CERS6: variants seen among roughly 807,000 people sequenced by gnomAD.
CERS6 encodes LAG1 homolog, ceramide synthase 6.
CERS6 carries 26 observed loss-of-function variants against 56.8 expected under a neutral mutation model. The ratio of observed to expected loss-of-function variants is 0.46; its 90% CI spans 0.34 to 0.63. The LOEUF is 0.63. Ranked by LOEUF, CERS6 falls within the 30% of genes least tolerant of loss-of-function variation. The pLI is 0.01. For missense variants in CERS6, 415 were observed against 467.5 expected, an observed-to-expected ratio of 0.89 and a Z score of 1.04; for synonymous variants, 164 against 173.3, an observed-to-expected ratio of 0.95 and a Z score of 0.42.
At chr2:168,720,044 T>C (rs13025830) in intron 8 of CERS6, among the ~76,000 whole-genome samples, 54,168 of 151,100 alleles carry the variant, frequency 0.36, 12,290 homozygotes, top group Non-Finnish European at 0.5. Flanking sequence ...CAAGTGATTC[T>C]TCGGCCTCAA....
rs114112963 is a variant in CERS6, at chr2:168,727,136, C to G, written c.845+9158C>G. On this transcript the variant is annotated intron_variant, in intron 8 of 9. Coordinates refer to ENST00000305747, the MANE Select transcript of CERS6 (RefSeq NM_203463.3). ...GAGTCAAATACGTACCTTTACTGGTCAGCTACTGTTCAGACAGAAGCATCT... is the reference window on the plus strand; with the variant it reads ...GAGTCAAATACGTACCTTTACTGGTGAGCTACTGTTCAGACAGAAGCATCT... Among the ~76,000 whole-genome samples the G allele has an allele frequency of 7.1e-3, 1,080 of 152,246 alleles. 11 individuals are homozygous for G. The highest frequency in any genetic ancestry group is 0.024 in the African/African-American group (1,012 of 41,544).
At chr2:168,725,101 G>A (rs924123277) in intron 8 of CERS6, among the ~76,000 whole-genome samples, 1 of 152,246 alleles carries the variant, frequency 6.6e-6, no homozygotes, top group Non-Finnish European at 1.5e-5. Context: ...GGCTGGCACT[G>A]CTGGGAGACC....
At chr2:168,685,668 C>G (rs1001535511) in intron 4 of CERS6, among the ~76,000 whole-genome samples, 3 of 152,114 alleles carry the variant, frequency 2.0e-5, no homozygotes, top group Admixed American at 6.6e-5. Flanking sequence ...GCACTCGATT[C>G]TTACGTGTGT....
chr2:168,575,432 C>T (rs905128994), intron 3 of CERS6, among the ~76,000 whole-genome samples: 2 of 151,776 alleles, frequency 1.3e-5, no homozygotes, highest in African/African-American at 4.8e-5. Flanking sequence ...GAGGAAGTGC[C>T]ACTTCCTCAC....
intron 3 of CERS6, among the ~76,000 whole-genome samples, chr2:168,593,519 T>G (rs1484892073): frequency 6.9e-6 from 1 of 144,056 alleles, no homozygotes; most frequent in Admixed American, 6.7e-5. Flanking sequence ...AACTTTTGAG[T>G]TTCTGTGTGT....
rs149300130 is a variant in CERS6, at chr2:168,697,986, G to A, written c.609+2935G>A. ...TTTATTGCTGTATTAGTTTGTTTTCGCACTGCTGTAAAGAAGTACCTGTGG... is the reference window on the plus strand; with the variant it reads ...TTTATTGCTGTATTAGTTTGTTTTCACACTGCTGTAAAGAAGTACCTGTGG... On this transcript the variant is annotated intron_variant, in intron 6 of 9. Coordinates refer to ENST00000305747, the MANE Select transcript of CERS6 (RefSeq NM_203463.3). 6.8e-3 allele frequency among the ~76,000 whole-genome samples: 1,041 copies of A among 152,134 alleles called. 11 individuals carry two copies. Among genetic ancestry groups the A allele is most frequent in the African/African-American group, 0.023 (946 of 41,474 alleles).
chr2:168,695,574 C>G (rs1338005592), intron 6 of CERS6, among the ~76,000 whole-genome samples: 2 of 152,182 alleles, frequency 1.3e-5, no homozygotes, highest in Admixed American at 1.3e-4. Flanking sequence ...CTTATTCTGG[C>G]TTTCGTCCTA....
At chr2:168,759,320 T>C (rs1009591017) in intron 8 of CERS6, among the ~76,000 whole-genome samples, 2 of 152,170 alleles carry the variant, frequency 1.3e-5, no homozygotes, top group African/African-American at 2.4e-5. Flanking sequence ...GTAGATCAAG[T>C]GTTTTCTGTA....
intron 3 of CERS6, among the ~76,000 whole-genome samples, chr2:168,607,106 T>C (rs962892830): frequency 1.3e-5 from 2 of 152,108 alleles, no homozygotes; most frequent in Non-Finnish European, 1.5e-5. Context: ...AATGGGTTTT[T>C]ACATTTTTAA....
At chr2:168,737,024 C>T (rs1356136349) in intron 8 of CERS6, among the ~76,000 whole-genome samples, 1 of 152,182 alleles carries the variant, frequency 6.6e-6, no homozygotes, top group Non-Finnish European at 1.5e-5. Context: ...GTGGCTGTAC[C>T]ATCTCTTTCT....
chr2:168,634,869 A>G (rs12052382), intron 4 of CERS6, among the ~76,000 whole-genome samples: 2,626 of 152,288 alleles, frequency 0.017, 104 homozygotes, highest in East Asian at 0.16. Context: ...CTGTAATATA[A>G]AGAATCATTA....
intron 4 of CERS6, among the ~76,000 whole-genome samples, chr2:168,675,084 C>G (rs1437676237): frequency 6.6e-6 from 1 of 151,986 alleles, no homozygotes; most frequent in African/African-American, 2.4e-5. Flanking sequence ...AGCAATCCCT[C>G]TGCCTCAGCC....
intron 1 of CERS6, among the ~76,000 whole-genome samples, chr2:168,474,706 T>C (rs1694037449): frequency 6.6e-6 from 1 of 152,238 alleles, no homozygotes; most frequent in Non-Finnish European, 1.5e-5. Context: ...TTCAAGTTTA[T>C]ACTTTGAACT....
chr2:168,766,916 G>C (rs1684745834), intron 9 of CERS6, among the ~76,000 whole-genome samples: 1 of 152,148 alleles, frequency 6.6e-6, no homozygotes, highest in African/African-American at 2.4e-5. Flanking sequence ...TAATTATTTT[G>C]ATCAATTAAT....
intron 8 of CERS6, among the ~76,000 whole-genome samples, chr2:168,749,432 C>T (rs1684196947): frequency 6.6e-6 from 1 of 152,180 alleles, no homozygotes; most frequent in South Asian, 2.1e-4. Flanking sequence ...TTTTCCCTGG[C>T]CTCCTGTCTT....
At chr2:168,640,018 T>A (rs1430697551) in intron 4 of CERS6, among the ~76,000 whole-genome samples, 4 of 152,136 alleles carry the variant, frequency 2.6e-5, no homozygotes, top group Admixed American at 2.6e-4. Flanking sequence ...GGTGACCATT[T>A]TGTGCCCAAG....
chr2:168,655,422 T>C (rs561070913), intron 4 of CERS6, among the ~76,000 whole-genome samples: 3 of 152,360 alleles, frequency 2.0e-5, no homozygotes, highest in African/African-American at 7.2e-5. Flanking sequence ...TAAAGATACC[T>C]GCACTCCCAT....
At chr2:168,483,199 G>C (rs976606043) in intron 1 of CERS6, among the ~76,000 whole-genome samples, 2 of 152,170 alleles carry the variant, frequency 1.3e-5, no homozygotes, top group African/African-American at 2.4e-5. Context: ...AGTCTGTGAA[G>C]TAGGTACTAT....
chr2:168,501,525 G>A (rs796070217), intron 1 of CERS6, among the ~76,000 whole-genome samples: 23 of 152,270 alleles, frequency 1.5e-4, no homozygotes, highest in East Asian at 1.2e-3. Flanking sequence ...TAATGAGGTC[G>A]AAGAAATATT....
Sources: allele counts gnomAD v4.1 joint callset (sites outside exome capture counted in the v4.1 genomes callset), GRCh38; gene constraint gnomAD v4.1.1; transcripts MANE v1.5; gene names NCBI Gene and HGNC (gene_info 2026-07-23, HGNC 2026-07-21).